The following ACKR2 variants were observed in gnomAD, a reference collection of about 807,000 sequenced individuals.
ACKR2 encodes C-C chemokine receptor D6.
For missense variants in ACKR2, 457 were observed against 477.3 expected (o/e 0.96, Z 0.40); for synonymous variants, 207 against 192.2 (o/e 1.08, Z -0.64).
At chr3:42,827,373 C>T (rs1299648219) in intron 2 of ACKR2, among the ~76,000 whole-genome samples, 1 of 152,184 alleles carries the variant, frequency 6.6e-6, no homozygotes, top group Non-Finnish European at 1.5e-5. Flanking sequence ...CTGCCAACAC[C>T]TATAACTGTA....
chr3:42,843,334 T>C (rs1383990671), intron 2 of ACKR2, among the ~76,000 whole-genome samples: 2 of 152,170 alleles, frequency 1.3e-5, no homozygotes, highest in African/African-American at 4.8e-5. Flanking sequence ...CCTCCCAAAG[T>C]GCTGGGATTG....
intron 1 of ACKR2, among the ~76,000 whole-genome samples, chr3:42,817,026 A>T (rs1245011111): frequency 6.6e-6 from 1 of 152,188 alleles, no homozygotes; most frequent in African/African-American, 2.4e-5. Context: ...GCTTATGGAC[A>T]TTATGACCTT....
intron 2 of ACKR2, among the ~76,000 whole-genome samples, chr3:42,829,736 G>A (rs995130308): frequency 1.3e-5 from 2 of 152,148 alleles, no homozygotes; most frequent in East Asian, 3.9e-4. Context: ...CCTTGCATCT[G>A]CACTCTGTCC....
Position 42,827,407 on chromosome 3 carries a change from T to C in ACKR2, c.-38+7696T>C, listed in dbSNP as rs576617595. 7.7e-4 allele frequency among the ~76,000 whole-genome samples: 117 copies of C among 152,344 alleles called. 1 individual carries two copies. Among genetic ancestry groups the C allele is most frequent in the African/African-American group, 2.7e-3 (114 of 41,578 alleles). On this transcript the variant is annotated intron_variant, in intron 2 of 2. Coordinates refer to ENST00000422265, the MANE Select transcript of ACKR2 (RefSeq NM_001296.5). ...TATTATAACTTTTATTCCAATTCAG[T>C]CTTTCTAAATTCTGATGTTATGGGT... is the stretch of plus-strand genomic sequence containing the variant.
intron 2 of ACKR2, among the ~76,000 whole-genome samples, chr3:42,849,940 T>G (rs1701135155): frequency 1.3e-5 from 2 of 152,224 alleles, no homozygotes; most frequent in Admixed American, 6.5e-5. Flanking sequence ...TAAATGCAAT[T>G]TAACTGATGT....
At chr3:42,830,361 C>T (rs996639742) in intron 2 of ACKR2, among the ~76,000 whole-genome samples, 13 of 152,196 alleles carry the variant, frequency 8.5e-5, no homozygotes, top group Admixed American at 7.8e-4. Context: ...AGTTATCTCC[C>T]TGCCTCAGCC....
intron 1 of ACKR2, among the ~76,000 whole-genome samples, chr3:42,818,085 C>T (rs911375051): frequency 5.9e-5 from 9 of 152,304 alleles, no homozygotes; most frequent in African/African-American, 1.9e-4. Flanking sequence ...CTGTCTGCCA[C>T]ACTTCTTGCC....
chr3:42,812,352 C>T (rs976122322), intron 1 of ACKR2, among the ~76,000 whole-genome samples: 2 of 152,140 alleles, frequency 1.3e-5, no homozygotes, highest in Non-Finnish European at 1.5e-5. Flanking sequence ...ATGAGAGAGA[C>T]AAAGTATAAA....
chr3:42,836,922 C>T (rs1700992017), intron 2 of ACKR2, among the ~76,000 whole-genome samples: 1 of 152,198 alleles, frequency 6.6e-6, no homozygotes, highest in South Asian at 2.1e-4. Flanking sequence ...GTCCTTCTTC[C>T]CCACCTCTGA....
In ACKR2 at chr3:42,821,996, A is replaced by G. The variant is rs1228667400; in HGVS notation, c.-38+2285A>G. ...CAGGCGTGAGCCACCACGCCCAGCC[A>G]GAATATACTTTTCAATCTTCTCTTT... On this transcript the variant is annotated intron_variant, in intron 2 of 2. Coordinates refer to ENST00000422265, the MANE Select transcript of ACKR2 (RefSeq NM_001296.5). Among the ~76,000 whole-genome samples, 3 of 152,076 alleles carry G rather than the reference A, an allele frequency of 2.0e-5. No homozygotes were observed. In the East Asian group the frequency reaches 5.8e-4, roughly 29 times the overall value.
In ACKR2 at chr3:42,864,977, G is replaced by A; in HGVS notation, c.475G>A (p.Ala159Thr). ...AQPYHRLRTR[A>T]KSLLLATIVW... ...GCCCTACCACAGGCTGAGGACCCGG[G>A]CCAAGAGCCTGCTCCTTGCTACCAT... The change falls in exon 3 of 3, where the codon GCC becomes ACC. Residue 159 changes from alanine to threonine, a missense_variant. Coordinates refer to ENST00000422265, the MANE Select transcript of ACKR2 (RefSeq NM_001296.5). The A allele has an allele frequency of 1.2e-6, 2 of 1,614,104 alleles. No homozygotes were observed. The highest frequency in any genetic ancestry group is 1.7e-6 in the Non-Finnish European group (2 of 1,180,016).
At chr3:42,860,526 A>C (rs542503762) in intron 2 of ACKR2, among the ~76,000 whole-genome samples, 7 of 152,288 alleles carry the variant, frequency 4.6e-5, no homozygotes, top group South Asian at 2.1e-4. Flanking sequence ...AGAACTCTCC[A>C]CCCTAAATCA....
chr3:42,851,299 A>G, intron 2 of ACKR2: 5 of 942,372 alleles, frequency 5.3e-6, no homozygotes, highest in Non-Finnish European at 5.1e-6. Context: ...ATTCCAGTTG[A>G]AAGCAGGATA....
At chr3:42,850,359 C>T (rs1701140781) in intron 2 of ACKR2, among the ~76,000 whole-genome samples, 2 of 152,102 alleles carry the variant, frequency 1.3e-5, no homozygotes, top group Admixed American at 1.3e-4. Flanking sequence ...ACTATCTGTA[C>T]CCCCAATAAA....
intron 2 of ACKR2, among the ~76,000 whole-genome samples, chr3:42,841,176 AT>A (rs1559689109): frequency 1.3e-5 from 2 of 152,080 alleles, no homozygotes; most frequent in Non-Finnish European, 2.9e-5. Flanking sequence ...TAAAAAAATT[AT>A]AGTATAGCGT....
At chr3:42,856,945 G>A (rs944506163) in intron 2 of ACKR2, among the ~76,000 whole-genome samples, 1 of 99,982 alleles carries the variant, frequency 1.0e-5, no homozygotes, top group African/African-American at 2.7e-5. Context: ...TGACATACTT[G>A]TATCACTGGT....
chr3:42,852,634 A>G lies in ACKR2; in HGVS notation c.-37-11832A>G, dbSNP rs1295822592. 6.6e-6 allele frequency among the ~76,000 whole-genome samples: 1 copy of G among 152,146 alleles called. No homozygotes were observed. The highest frequency in any genetic ancestry group is 1.5e-5 in the Non-Finnish European group (1 of 68,022). On this transcript the variant is annotated intron_variant, in intron 2 of 2. Coordinates refer to ENST00000422265, the MANE Select transcript of ACKR2 (RefSeq NM_001296.5). The surrounding 1 kb of genome is among the most constrained non-coding windows in gnomAD (Gnocchi z 4.3). ...AAGGGGACTCCTGCCCTGCTGAGGAATGGACAAGGCCACTCCCTTCCAGCC... is the reference window on the plus strand; with the variant it reads ...AAGGGGACTCCTGCCCTGCTGAGGAGTGGACAAGGCCACTCCCTTCCAGCC...
At chr3:42,821,337 A>T (rs1243360945) in intron 2 of ACKR2, among the ~76,000 whole-genome samples, 5 of 152,186 alleles carry the variant, frequency 3.3e-5, no homozygotes, top group African/African-American at 1.2e-4. Context: ...GAAGCAAGAA[A>T]AACCACATAC....
Position 42,822,725 on chromosome 3 carries a change from G to A in ACKR2, c.-38+3014G>A, listed in dbSNP as rs1268066980. 9.0e-5 allele frequency among the ~76,000 whole-genome samples: 13 copies of A among 144,258 alleles called. 1 individual carries two copies. The South Asian group carries it at 1.5e-3, about 17-fold the overall frequency. The allele number at this position is 144,258 out of a possible 152,430, so 94.6% of individuals were successfully genotyped here. A position where few individuals can be genotyped will look rare whatever the true frequency, so the allele number is the denominator to read the frequency against. The stretch of plus-strand genomic sequence containing the variant: ...AAATTACCCAGGCGTGGTGGTGCAC[G>A]CCTGTAATCCCAGCCCAGCTACTTG... On this transcript the variant is annotated intron_variant, in intron 2 of 2. Transcript: ENST00000422265.
Sources: allele counts gnomAD v4.1 joint callset (sites outside exome capture counted in the v4.1 genomes callset), GRCh38; gene constraint gnomAD v4.1.1; non-coding constraint Gnocchi (gnomAD v3.1); transcripts MANE v1.5; gene names NCBI Gene and HGNC (gene_info 2026-07-23, HGNC 2026-07-21).